Variants in SMYD3 observed in about 807,000 individuals in gnomAD.
SMYD3 encodes the protein SET and MYND domain containing 3.
A neutral mutation model predicts 57.7 loss-of-function variants in SMYD3; 36 were observed. That is an observed-to-expected ratio of 0.62 (90% confidence interval 0.48 to 0.82). The LOEUF (loss-of-function observed/expected upper bound fraction) is 0.82. SMYD3 is among the 40% of genes least tolerant of loss of function. SMYD3 has a pLI of 0.00. For missense variants in SMYD3, 515 were observed against 538.8 expected, an observed-to-expected ratio of 0.96 and a Z score of 0.44; for synonymous variants, 211 against 195.0, an observed-to-expected ratio of 1.08 and a Z score of -0.68.
At position 246,221,713 on chromosome 1, in the gene SMYD3, C is replaced by T. The variant is rs986944270; in HGVS notation, c.531+105488G>A. Among the ~76,000 whole-genome samples the T allele has an allele frequency of 3.9e-5, 6 of 152,316 alleles. No homozygotes were observed. The South Asian group carries it at 8.3e-4, about 21-fold the overall frequency. ...CATAGCAGCAGCTGGTGTGTCTGAC[C>T]GCACAGTGGGCGGACCCCACGTTTG... On this transcript the variant is annotated intron_variant, in intron 5 of 11. Transcript: ENST00000490107.
intron 5 of SMYD3, among the ~76,000 whole-genome samples, chr1:246,140,117 C>T (rs2061729006): frequency 6.6e-6 from 1 of 152,148 alleles, no homozygotes; most frequent in Non-Finnish European, 1.5e-5. Flanking sequence ...ATGAAGAATG[C>T]ACATATATAC....
intron 10 of SMYD3, among the ~76,000 whole-genome samples, chr1:245,857,751 G>A (rs556406974): frequency 5.1e-4 from 77 of 152,036 alleles, no homozygotes; most frequent in Non-Finnish European, 7.8e-4. Context: ...GCTGCTCTCC[G>A]TCTCACCTTC....
At chr1:245,948,613 C>T (rs761996500) in intron 5 of SMYD3, among the ~76,000 whole-genome samples, 27 of 145,690 alleles carry the variant, frequency 1.9e-4, no homozygotes, top group Non-Finnish European at 3.8e-4. Flanking sequence ...TTTGAGGGCC[C>T]AGCTTCCACC....
At chr1:246,298,082 A>T (rs965665372) in intron 5 of SMYD3, among the ~76,000 whole-genome samples, 1 of 152,098 alleles carries the variant, frequency 6.6e-6, no homozygotes, top group African/African-American at 2.4e-5. Context: ...CCTCTTCTGG[A>T]AAGACAATAA....
At chr1:246,056,580 C>A (rs139798708) in intron 5 of SMYD3, among the ~76,000 whole-genome samples, 1 of 151,858 alleles carries the variant, frequency 6.6e-6, no homozygotes, top group African/African-American at 2.4e-5. Flanking sequence ...TTCACCAGAC[C>A]TACATACATG....
At chr1:246,046,934 T>C (rs1034550397) in intron 5 of SMYD3, among the ~76,000 whole-genome samples, 11 of 151,822 alleles carry the variant, frequency 7.2e-5, no homozygotes, top group African/African-American at 2.7e-4. Flanking sequence ...CCACACAGTA[T>C]AAATTTAACA....
chr1:246,195,649 A>G (rs576298993), intron 5 of SMYD3, among the ~76,000 whole-genome samples: 121 of 152,304 alleles, frequency 7.9e-4, no homozygotes, highest in Non-Finnish European at 1.6e-3. Flanking sequence ...AAAGAATATT[A>G]TAACCATTCA....
At chr1:245,870,621 C>A (rs1238020547) in intron 8 of SMYD3, among the ~76,000 whole-genome samples, 2 of 152,182 alleles carry the variant, frequency 1.3e-5, no homozygotes, top group African/African-American at 4.8e-5. Context: ...GATATGAGAT[C>A]ATCTCACCAC....
At chr1:246,117,372 C>G (rs1006078007) in intron 5 of SMYD3, among the ~76,000 whole-genome samples, 2 of 152,180 alleles carry the variant, frequency 1.3e-5, no homozygotes, top group African/African-American at 4.8e-5. Flanking sequence ...TCTGCTGCCC[C>G]CTTCTGCTTC....
intron 5 of SMYD3, among the ~76,000 whole-genome samples, chr1:246,081,403 T>G (rs1274310560): frequency 1.3e-5 from 2 of 151,968 alleles, no homozygotes; most frequent in East Asian, 3.8e-4. Flanking sequence ...TCTTTTTTTC[T>G]TTTTTTTGAG....
At chr1:246,475,641 G>GT (rs1476719886) in intron 1 of SMYD3, among the ~76,000 whole-genome samples, 5 of 152,034 alleles carry the variant, frequency 3.3e-5, no homozygotes, top group Non-Finnish European at 7.4e-5. Context: ...GCAAGACTCT[G>GT]TCTCATTGTA....
chr1:246,025,598 C>T (rs1363854461), intron 5 of SMYD3, among the ~76,000 whole-genome samples: 1 of 152,162 alleles, frequency 6.6e-6, no homozygotes, highest in African/African-American at 2.4e-5. Flanking sequence ...CCCACACCAA[C>T]CACAAAGAAA....
At chr1:246,300,547 G>T (rs2064876778) in intron 5 of SMYD3, among the ~76,000 whole-genome samples, 1 of 152,070 alleles carries the variant, frequency 6.6e-6, no homozygotes, top group Non-Finnish European at 1.5e-5. Context: ...GGACGCCAAG[G>T]TATGAATCTG....
intron 5 of SMYD3, among the ~76,000 whole-genome samples, chr1:245,946,013 T>A (rs935335064): frequency 6.6e-6 from 1 of 152,088 alleles, no homozygotes; most frequent in Non-Finnish European, 1.5e-5. Flanking sequence ...CACGCTGGGA[T>A]TAGATTAATA....
intron 5 of SMYD3, among the ~76,000 whole-genome samples, chr1:246,173,580 T>G (rs1240068939): frequency 6.6e-6 from 1 of 152,228 alleles, no homozygotes; most frequent in East Asian, 1.9e-4. Context: ...TTAAATTTTT[T>G]TTACTTTTTA....
chr1:245,808,199 C>G (rs998941028), intron 10 of SMYD3, among the ~76,000 whole-genome samples: 3 of 152,144 alleles, frequency 2.0e-5, no homozygotes, highest in Non-Finnish European at 4.4e-5. Context: ...GATAAACGCC[C>G]TTGGCTGGGG....
chr1:245,806,903 C>T (rs143573274), intron 10 of SMYD3, among the ~76,000 whole-genome samples: 3,507 of 107,914 alleles, frequency 0.032, 164 homozygotes, highest in African/African-American at 0.13. Flanking sequence ...GGCGACAGAG[C>T]GAGACTCCGT....
chr1:246,428,287 T>C (rs2067249670), intron 1 of SMYD3, among the ~76,000 whole-genome samples: 1 of 152,222 alleles, frequency 6.6e-6, no homozygotes, highest in African/African-American at 2.4e-5. Flanking sequence ...TTAATACTTA[T>C]CTTTAAGTTG....
At chr1:246,357,200 G>A (rs2065921772) in intron 1 of SMYD3, among the ~76,000 whole-genome samples, 1 of 152,186 alleles carries the variant, frequency 6.6e-6, no homozygotes, top group Admixed American at 6.5e-5. Context: ...GGCATTCTAA[G>A]TCACAGGATG....
Sources: gnomAD v4.1 joint callset for allele counts (sites outside exome capture counted in the v4.1 genomes callset) on GRCh38, gnomAD v4.1.1 for gene constraint, MANE v1.5 for transcripts, NCBI Gene and HGNC (gene_info 2026-07-23, HGNC 2026-07-21) for gene names.